Variants in FOXP1 observed in about 807,000 individuals in gnomAD.
The protein encoded by FOXP1 is forkhead box P1.
Under a neutral mutation model 98.2 loss-of-function variants are expected in FOXP1, and 15 were observed. That is an observed-to-expected ratio of 0.15 (90% CI 0.10 to 0.24). The LOEUF is 0.24. Among genes scored for constraint, FOXP1 ranks in the 10% least tolerant of loss-of-function variants. The pLI, the probability that FOXP1 is intolerant of heterozygous loss-of-function variation, is 1.00. For missense variants in FOXP1, 633 were observed against 848.5 expected (o/e 0.75, Z 3.15); for synonymous variants, 371 against 314.5 (o/e 1.18, Z -1.90).
chr3:71,181,790 T>C (rs1482340579), intron 6 of FOXP1, among the ~76,000 whole-genome samples: 2 of 152,044 alleles, frequency 1.3e-5, no homozygotes, highest in African/African-American at 4.8e-5. Flanking sequence ...CCCAACACTT[T>C]GAGAGGCTGA....
At chr3:71,024,566 G>A (rs1479703746) in intron 11 of FOXP1, among the ~76,000 whole-genome samples, 1 of 152,048 alleles carries the variant, frequency 6.6e-6, no homozygotes, top group African/African-American at 2.4e-5. Flanking sequence ...TCTCTCTCAC[G>A]CAGGGAATCC....
chr3:71,071,961 C>T (rs1349242280), intron 7 of FOXP1, among the ~76,000 whole-genome samples: 1 of 152,156 alleles, frequency 6.6e-6, no homozygotes, highest in Non-Finnish European at 1.5e-5. Context: ...ACCAAGTGCA[C>T]ATTTTACATT....
intron 4 of FOXP1, among the ~76,000 whole-genome samples, chr3:71,351,139 A>T (rs1864897): frequency 5.9e-5 from 9 of 152,120 alleles, no homozygotes; most frequent in Admixed American, 4.6e-4. Context: ...CCTGCCACAA[A>T]CAGGGAATCG....
intron 12 of FOXP1, among the ~76,000 whole-genome samples, chr3:71,009,167 G>GGGGGGGT (rs1559707758): frequency 3.6e-5 from 3 of 84,148 alleles, no homozygotes; most frequent in African/African-American, 3.7e-5. Context: ...GGGGGGGGGG[G>GGGGGGGT]GCGCATGACA....
At chr3:71,493,653 T>C (rs973853241) in intron 2 of FOXP1, 98 bp from the exon 3 acceptor site, 7 of 152,352 alleles carry the variant, frequency 4.6e-5, no homozygotes, top group African/African-American at 1.4e-4. Context: ...ATTCTTGAGG[T>C]AGGGGAAAAC....
At chr3:71,357,754 G>C (rs2078263548) in intron 4 of FOXP1, among the ~76,000 whole-genome samples, 1 of 152,216 alleles carries the variant, frequency 6.6e-6, no homozygotes, top group Non-Finnish European at 1.5e-5. Flanking sequence ...CAGCCACCAT[G>C]TGACCTTGAA....
chr3:71,569,036 A>G (rs949303660), intron 2 of FOXP1, among the ~76,000 whole-genome samples: 1 of 152,194 alleles, frequency 6.6e-6, no homozygotes, highest in Non-Finnish European at 1.5e-5. Context: ...TTTACACTCT[A>G]TGAGACCTGG....
chr3:71,396,935 CACAT>C lies in FOXP1; in HGVS notation c.-167-37695_-167-37692del, dbSNP rs1468769333. Among the ~76,000 whole-genome samples, 163 of 91,846 alleles carry C rather than the reference CACAT, an allele frequency of 1.8e-3. 28 individuals carry two copies. Among genetic ancestry groups the C allele is most frequent in the African/African-American group, 7.7e-3 (162 of 21,120 alleles). 60.3% of individuals were successfully genotyped at this position (91,846 alleles called of 152,430 possible). A position where few individuals can be genotyped will look rare whatever the true frequency, so the allele number is the denominator to read the frequency against. On this transcript the variant is annotated intron_variant, in intron 3 of 20. Transcript: ENST00000649528. The stretch of plus-strand genomic sequence containing the variant: ...ATATGTGTGTATATATATATATATA[CACAT>C]ATATATATGTGTATATATATATATG...
intron 5 of FOXP1, among the ~76,000 whole-genome samples, chr3:71,279,742 C>T (rs189731456): frequency 6.6e-6 from 1 of 152,154 alleles, no homozygotes; most frequent in African/African-American, 2.4e-5. Flanking sequence ...ATATGGGTAA[C>T]ATTTTTAAAT....
chr3:71,079,253 T>TGCCCC (rs2054153426), intron 7 of FOXP1, among the ~76,000 whole-genome samples: 1 of 152,130 alleles, frequency 6.6e-6, no homozygotes, highest in African/African-American at 2.4e-5. Flanking sequence ...TCTTTGCCCC[T>TGCCCC]GCCCCCCACC....
intron 7 of FOXP1, among the ~76,000 whole-genome samples, chr3:71,071,007 TG>T (rs916819108): frequency 6.6e-6 from 1 of 152,176 alleles, no homozygotes; most frequent in Admixed American, 6.5e-5. Flanking sequence ...CCTTCCACAC[TG>T]TGTGGCATAG....
At chr3:71,038,221 C>T (rs2047866712) in intron 11 of FOXP1, among the ~76,000 whole-genome samples, 1 of 152,194 alleles carries the variant, frequency 6.6e-6, no homozygotes, top group Non-Finnish European at 1.5e-5. Flanking sequence ...ACAACAGTAA[C>T]TCTCACAACA....
intron 2 of FOXP1, among the ~76,000 whole-genome samples, chr3:71,502,814 T>C (rs1460664047): frequency 2.0e-5 from 3 of 152,140 alleles, no homozygotes; most frequent in Non-Finnish European, 4.4e-5. Flanking sequence ...GACATCCATA[T>C]TTTCCATGAA....
intron 5 of FOXP1, among the ~76,000 whole-genome samples, chr3:71,278,666 A>G (rs1335841156): frequency 6.6e-6 from 1 of 152,140 alleles, no homozygotes; most frequent in African/African-American, 2.4e-5. Context: ...CTGTAATCAC[A>G]GCTATGCAGG....
chr3:71,202,246 C>A (rs767740764), intron 5 of FOXP1, among the ~76,000 whole-genome samples: 1 of 152,170 alleles, frequency 6.6e-6, no homozygotes, highest in Non-Finnish European at 1.5e-5. Context: ...ACCAAAATTG[C>A]AGAAAGGATT....
chr3:71,293,127 A>C (rs2072931620), intron 5 of FOXP1, among the ~76,000 whole-genome samples: 1 of 152,178 alleles, frequency 6.6e-6, no homozygotes, highest in Admixed American at 6.5e-5. Context: ...GTTTTTGTAC[A>C]GTTAAGCTTC....
At chr3:70,992,867 C>T (rs898312581) in intron 13 of FOXP1, among the ~76,000 whole-genome samples, 1 of 152,048 alleles carries the variant, frequency 6.6e-6, no homozygotes, top group Non-Finnish European at 1.5e-5. Flanking sequence ...TTTCTTGGCT[C>T]CAGTTACAAA....
chr3:71,011,859 G>C (rs1404071973), intron 12 of FOXP1, among the ~76,000 whole-genome samples: 1 of 152,118 alleles, frequency 6.6e-6, no homozygotes, highest in Non-Finnish European at 1.5e-5. Context: ...AATATCTTTA[G>C]AAGAGAAATG....
intron 2 of FOXP1, among the ~76,000 whole-genome samples, chr3:71,537,183 T>C (rs780837449): frequency 7.9e-5 from 12 of 152,120 alleles, no homozygotes; most frequent in Non-Finnish European, 1.8e-4. Context: ...ACGGTTGAAA[T>C]GATGCACAGC....
Sources: allele counts gnomAD v4.1 joint callset (sites outside exome capture counted in the v4.1 genomes callset), GRCh38; gene constraint gnomAD v4.1.1; transcripts MANE v1.5; gene names NCBI Gene and HGNC (gene_info 2026-07-23, HGNC 2026-07-21).